The following TRAPPC9 variants were observed in gnomAD, a reference collection of about 807,000 sequenced individuals.
TRAPPC9 encodes IKK2 binding protein.
In TRAPPC9, 83 loss-of-function variants were observed where a neutral mutation model predicts 124.0. That is an observed-to-expected ratio of 0.67 (90% CI 0.56 to 0.80). TRAPPC9 has a LOEUF of 0.80. TRAPPC9 is among the 30% of genes least tolerant of loss of function. TRAPPC9 has a pLI of 0.00. For missense variants in TRAPPC9, 1,302 were observed against 1,508.3 expected (o/e 0.86, Z 2.27); for synonymous variants, 638 against 617.5 (o/e 1.03, Z -0.49).
chr8:140,261,166 G>C (rs2064398299), intron 15 of TRAPPC9, among the ~76,000 whole-genome samples: 1 of 152,196 alleles, frequency 6.6e-6, no homozygotes, highest in Non-Finnish European at 1.5e-5. Flanking sequence ...AACCCGCCTA[G>C]GTCATGTGCA....
chr8:139,739,763 T>C (rs538435005), intron 21 of TRAPPC9, among the ~76,000 whole-genome samples: 71 of 152,358 alleles, frequency 4.7e-4, no homozygotes, highest in African/African-American at 1.6e-3. Flanking sequence ...ATTTGTTTCA[T>C]TGTTAACTAC....
intron 17 of TRAPPC9, among the ~76,000 whole-genome samples, chr8:140,033,656 TGG>T (rs1491141422): frequency 7.2e-4 from 84 of 116,762 alleles, no homozygotes; most frequent in African/African-American, 2.5e-3. Context: ...CTTCATAATG[TGG>T]TTTTTTTTTT....
chr8:140,152,527 A>AT (rs1387242673), intron 17 of TRAPPC9, among the ~76,000 whole-genome samples: 1 of 150,554 alleles, frequency 6.6e-6, no homozygotes, highest in Non-Finnish European at 1.5e-5. Context: ...CGCCTGGCTA[A>AT]TTTTTTGTAT....
At chr8:139,763,887 CAGA>C (rs1478076071) in intron 21 of TRAPPC9, among the ~76,000 whole-genome samples, 1 of 152,208 alleles carries the variant, frequency 6.6e-6, no homozygotes, top group African/African-American at 2.4e-5. Flanking sequence ...CCTCAGCAGC[CAGA>C]AGAACTGCCC....
intron 16 of TRAPPC9, among the ~76,000 whole-genome samples, chr8:140,225,735 C>T (rs1414236220): frequency 6.6e-6 from 1 of 152,150 alleles, no homozygotes; most frequent in Non-Finnish European, 1.5e-5. Flanking sequence ...TGAGTGAAGG[C>T]CAGGTGCCCA....
At chr8:139,996,729 G>A (rs1245315699) in intron 18 of TRAPPC9, among the ~76,000 whole-genome samples, 1 of 152,084 alleles carries the variant, frequency 6.6e-6, no homozygotes, top group African/African-American at 2.4e-5. Flanking sequence ...TGCTGTTGTT[G>A]CTATTTTTTT....
chr8:139,968,341 G>T (rs1038346026), intron 19 of TRAPPC9, among the ~76,000 whole-genome samples: 2 of 152,088 alleles, frequency 1.3e-5, no homozygotes, highest in African/African-American at 4.8e-5. Context: ...CTGGAAACCA[G>T]CCCCACTTAA....
At chr8:140,239,292 G>C (rs2063803569) in intron 16 of TRAPPC9, among the ~76,000 whole-genome samples, 1 of 152,214 alleles carries the variant, frequency 6.6e-6, no homozygotes, top group African/African-American at 2.4e-5. Flanking sequence ...ACATGAGGAC[G>C]TCTGGAGAGA....
chr8:140,190,181 C>T (rs374971814), intron 17 of TRAPPC9, among the ~76,000 whole-genome samples: 2 of 152,114 alleles, frequency 1.3e-5, no homozygotes, highest in African/African-American at 4.8e-5. Context: ...TCCGGCCAGG[C>T]GCGGTAGCTC....
At chr8:139,987,545 C>CAG (rs34718647) in intron 19 of TRAPPC9, among the ~76,000 whole-genome samples, 2,977 of 150,404 alleles carry the variant, frequency 0.02, 62 homozygotes, top group African/African-American at 0.055. Context: ...ATGAAAGAGG[C>CAG]AGAGAGAGAG....
At chr8:139,860,723 A>C (rs1828076045) in intron 21 of TRAPPC9, among the ~76,000 whole-genome samples, 1 of 152,250 alleles carries the variant, frequency 6.6e-6, no homozygotes, top group Admixed American at 6.5e-5. Flanking sequence ...CTAACCGAGT[A>C]AATCCCTCAC....
At chr8:140,236,589 T>C (rs1245706897) in intron 16 of TRAPPC9, among the ~76,000 whole-genome samples, 1 of 152,160 alleles carries the variant, frequency 6.6e-6, no homozygotes, top group African/African-American at 2.4e-5. Context: ...AAACTTAACA[T>C]TTGTGTTCAT....
chr8:139,901,237 C>T (rs1831002223), intron 20 of TRAPPC9, among the ~76,000 whole-genome samples: 1 of 152,188 alleles, frequency 6.6e-6, no homozygotes, highest in South Asian at 2.1e-4. Flanking sequence ...CACGCGCAAG[C>T]TCTGGAGTGA....
chr8:139,759,387 G>A (rs960243282), intron 21 of TRAPPC9, among the ~76,000 whole-genome samples: 1 of 152,182 alleles, frequency 6.6e-6, no homozygotes, highest in African/African-American at 2.4e-5. Context: ...TCTGAGATGA[G>A]TACTATTGCC....
intron 17 of TRAPPC9, among the ~76,000 whole-genome samples, chr8:140,116,011 C>G (rs150866579): frequency 1.3e-5 from 2 of 152,124 alleles, no homozygotes; most frequent in Non-Finnish European, 2.9e-5. Flanking sequence ...TCAGAAGGAG[C>G]TCACGAGCAT....
intron 21 of TRAPPC9, among the ~76,000 whole-genome samples, chr8:139,814,885 G>A (rs1047891390): frequency 6.6e-6 from 1 of 152,218 alleles, no homozygotes; most frequent in East Asian, 1.9e-4. Flanking sequence ...TTGCAGAGCA[G>A]GGTCTGGAAA....
chr8:140,037,285 T>C (rs1429386640), intron 17 of TRAPPC9, among the ~76,000 whole-genome samples: 1 of 151,966 alleles, frequency 6.6e-6, no homozygotes, highest in African/African-American at 2.4e-5. Context: ...CAGCTAGTCT[T>C]ACAAAACACC....
At chr8:140,073,266 G>A (rs1843294261) in intron 17 of TRAPPC9, among the ~76,000 whole-genome samples, 1 of 152,098 alleles carries the variant, frequency 6.6e-6, no homozygotes, top group African/African-American at 2.4e-5. Context: ...CTTGAAAAAT[G>A]TTCATAACAG....
intron 20 of TRAPPC9, among the ~76,000 whole-genome samples, chr8:139,904,082 A>G (rs1482068061): frequency 1.3e-5 from 2 of 152,136 alleles, no homozygotes; most frequent in Non-Finnish European, 2.9e-5. Flanking sequence ...AAGAGAACAC[A>G]TACTATCAGA....
Sources: allele counts gnomAD v4.1 joint callset (sites outside exome capture counted in the v4.1 genomes callset), GRCh38; gene constraint gnomAD v4.1.1; transcripts MANE v1.5; gene names NCBI Gene and HGNC (gene_info 2026-07-23, HGNC 2026-07-21).